SNRNP200: variants seen among roughly 807,000 people sequenced by gnomAD.
The protein encoded by SNRNP200 is small nuclear ribonucleoprotein U5 subunit 200, also known as U5 small nuclear ribonucleoprotein 200 kDa helicase.
Under a neutral mutation model 255.2 loss-of-function variants are expected in SNRNP200, and 66 were observed. The observed-to-expected ratio is 0.26, with a 90% CI of 0.21 to 0.32. SNRNP200 has a LOEUF of 0.32. Ranked by LOEUF, SNRNP200 falls within the 10% of genes least tolerant of loss-of-function variation. The pLI is 1.00. For missense variants in SNRNP200, 1,585 were observed against 2,749.8 expected (o/e 0.58, Z 9.47); for synonymous variants, 939 against 1,027.8 (o/e 0.91, Z 1.65).
At chr2:96,301,289 C>T (rs2063950829) in intron 4 of SNRNP200, among the ~76,000 whole-genome samples, 2 of 152,216 alleles carry the variant, frequency 1.3e-5, no homozygotes, top group African/African-American at 4.8e-5. Context: ...CTTGAGCCCC[C>T]AAGGCTCTGC....
chr2:96,289,423 C>T (rs2063869616), intron 21 of SNRNP200, 44 bp from the exon 22 acceptor site: 14 of 1,603,238 alleles, frequency 8.7e-6, no homozygotes, highest in Non-Finnish European at 1.2e-5. Context: ...TATTAATGAG[C>T]TCCAACCTCT....
At chr2:96,282,974 C>G (rs2063813704) in intron 34 of SNRNP200, 1 of 622,978 alleles carries the variant, frequency 1.6e-6, no homozygotes, top group East Asian at 2.9e-5. Context: ...ATAGCACAAC[C>G]TGATGTGTCT....
intron 3 of SNRNP200, among the ~76,000 whole-genome samples, chr2:96,301,925 A>G (rs531369108): frequency 6.6e-6 from 1 of 152,326 alleles, no homozygotes; most frequent in South Asian, 2.1e-4. Context: ...CTCAAGCAGC[A>G]GGACACAGCT....
rs1402485866 is a variant in SNRNP200 at position 96,298,535 on chromosome 2, CA to C, written c.982+67del. The C allele has an allele frequency of 2.5e-6, 4 of 1,607,260 alleles. No individual in the cohort carries two copies. In the Admixed American group the frequency reaches 6.7e-5, roughly 27 times the overall value. ...ACAAGCACTTAGGCTGTGAAAACAA[CA>C]GAATCTCTATGTCACACATGCACAC... On this transcript the variant is annotated intron_variant, in intron 8 of 44. Transcript: ENST00000323853.
intron 2 of SNRNP200, among the ~76,000 whole-genome samples, chr2:96,304,093 T>C (rs572698081): frequency 8.6e-5 from 13 of 152,006 alleles, no homozygotes; most frequent in Non-Finnish European, 1.5e-4. Context: ...AGATAATGTA[T>C]TAACTCATTT....
chr2:96,281,974 T>C (rs777536589), intron 34 of SNRNP200, 52 bp from the exon 35 acceptor site: 9 of 1,382,522 alleles, frequency 6.5e-6, no homozygotes, highest in Non-Finnish European at 8.2e-6. Flanking sequence ...CCGGGTGAAG[T>C]AGGCTCACTG....
rs150917167 is a variant in SNRNP200, at chr2:96,289,882, G to A, written c.2857C>T (p.Arg953Ter). The change falls in exon 21 of 45, where the codon CGA becomes TGA. Residue 953 changes from arginine to a stop codon, truncating the protein, a stop_gained. Coordinates refer to ENST00000323853, the MANE Select transcript of SNRNP200 (RefSeq NM_014014.5). LOFTEE classifies it high-confidence loss of function. ...LKGDPLLDQRRLDLVHTAALM... is the reference protein window; with the variant it reads ...LKGDPLLDQR ...GCAGCTGTATGAACCAGATCTAGTCGGCGCTGGTCCAGCAGGGGATCTCCC... is the reference window on the plus strand; with the variant it reads ...GCAGCTGTATGAACCAGATCTAGTCAGCGCTGGTCCAGCAGGGGATCTCCC... 1.2e-6 allele frequency: 2 copies of A among 1,613,970 alleles called. No individual in the cohort carries two copies. The highest frequency in any genetic ancestry group is 1.7e-5 in the Admixed American group (1 of 60,004).
chr2:96,299,048 A>G, intron 6 of SNRNP200, 81 bp from the exon 7 acceptor site: 3 of 1,576,692 alleles, frequency 1.9e-6, no homozygotes, highest in South Asian at 1.1e-5. Flanking sequence ...ACCAAGTTCT[A>G]CTTGACAATC....
chr2:96,289,749 G>T (rs753754874), intron 21 of SNRNP200, 50 bp downstream of exon 21: 16 of 1,587,044 alleles, frequency 1.0e-5, no homozygotes, highest in Non-Finnish European at 1.4e-5. Context: ...TTTTTCCTGG[G>T]CCAACAACTT....
In SNRNP200 at chr2:96,278,828, G is replaced by C. The variant is rs1432849938; in HGVS notation, c.5304C>G (p.Pro1768=). The change falls in exon 37 of 45, where the codon CCC becomes CCG. Residue 1768 remains proline, a synonymous_variant. Transcript: ENST00000323853. This position sits in a 1 kb window ranked among gnomAD's most constrained non-coding sequence, Gnocchi z 6.9. ...TFLYRRMTQN[P]NYYNLQGISH... The stretch of plus-strand genomic sequence containing the variant: ...ACTGACCCTGCAGGTTGTAGTAATT[G>C]GGGTTCTGTGTCATGCGGCGGTACA... The C allele has an allele frequency of 6.2e-7, 1 of 1,614,206 alleles. No individual in the cohort carries two copies. Among genetic ancestry groups the C allele is most frequent in the South Asian group, 1.1e-5 (1 of 91,078 alleles).
intron 3 of SNRNP200, among the ~76,000 whole-genome samples, chr2:96,302,834 G>T (rs537889308): frequency 9.2e-5 from 14 of 152,224 alleles, no homozygotes; most frequent in Non-Finnish European, 1.9e-4. Flanking sequence ...AGATGGAAGA[G>T]GTACACAGGG....
intron 35 of SNRNP200, among the ~76,000 whole-genome samples, chr2:96,280,476 C>CTT (rs1684740049): frequency 6.6e-6 from 1 of 151,728 alleles, no homozygotes; most frequent in Non-Finnish European, 1.5e-5. Flanking sequence ...CCAGCCTAAA[C>CTT]GACAGAACAA....
At position 96,283,782 on chromosome 2, in the gene SNRNP200, C is replaced by T. The variant is rs770684240; in HGVS notation, c.4584+31G>A. The T allele has an allele frequency of 6.2e-7, 1 of 1,613,822 alleles. No homozygotes were observed. The highest frequency in any genetic ancestry group is 2.2e-5 in the East Asian group (1 of 44,872). On this transcript the variant is annotated intron_variant, in intron 32 of 44. Transcript: ENST00000323853. This position sits in a 1 kb window ranked among gnomAD's most constrained non-coding sequence, Gnocchi z 4.7. Reference sequence around the variant, plus strand: ...GGGTCACTCAGGATCTATGTGACACCCCACAGACGGATGAGGAGAGTGGGT... The same window carrying T: ...GGGTCACTCAGGATCTATGTGACACTCCACAGACGGATGAGGAGAGTGGGT...
In SNRNP200 at chr2:96,290,430, G is replaced by C. The variant is rs1558768038; in HGVS notation, c.2638C>G (p.Leu880Val). Residue 880 changes from leucine (L) to valine (V), a missense_variant, in exon 20 of 45, where the codon CTG becomes GTG. Transcript: ENST00000323853. This position sits in a 1 kb window ranked among gnomAD's most constrained non-coding sequence, Gnocchi z 4.5. ...GGAAGTTGTTGATTGAGGAGGGACA[G>C]GTAGTACTGTAGCTCCCCATGAGAT... is the stretch of plus-strand genomic sequence containing the variant. ...ITSHGELQYY[L>V]SLLNQQLPIE... The C allele has an allele frequency of 6.2e-7, 1 of 1,614,190 alleles. No individual in the cohort carries two copies. Among genetic ancestry groups the C allele is most frequent in the Non-Finnish European group, 8.5e-7 (1 of 1,180,014 alleles).
chr2:96,279,729 G>C (rs1428464108), intron 35 of SNRNP200, 170 bp from the exon 36 acceptor site: 11 of 644,176 alleles, frequency 1.7e-5, no homozygotes, highest in South Asian at 1.4e-4. Flanking sequence ...AGCTTCACTG[G>C]CTGGCCTGTA....
At position 96,281,900 on chromosome 2, in the gene SNRNP200, A is replaced by T; in HGVS notation, c.4938T>A (p.Ala1646=). 1 of 1,614,074 alleles carries T rather than the reference A, an allele frequency of 6.2e-7. No homozygotes were observed. Among genetic ancestry groups the T allele is most frequent in the African/African-American group, 1.3e-5 (1 of 75,032 alleles). The change falls in exon 35 of 45, where the codon GCT becomes GCA. Residue 1646 remains alanine (A), a synonymous_variant. Transcript: ENST00000323853. ...FSSGAIQVVV[A]SRSLCWGMNV... is the part of the protein sequence containing the mutation. ...TCATGCCCCAGCAGAGACTCCGAGA[A>T]GCCACCACCACCTGGATAGCCCCTG...
At chr2:96,276,845 G>T in intron 43 of SNRNP200, 59 bp downstream of exon 43, 1 of 1,479,886 alleles carries the variant, frequency 6.8e-7, no homozygotes, top group Non-Finnish European at 9.5e-7. Flanking sequence ...CTTGTACCAA[G>T]CACCTAGCCA....
intron 5 of SNRNP200, among the ~76,000 whole-genome samples, 178 bp from the exon 6 acceptor site, chr2:96,299,605 G>A (rs151156156): frequency 3.3e-5 from 5 of 152,152 alleles, no homozygotes; most frequent in Admixed American, 2.6e-4. Flanking sequence ...TGACTGCTTA[G>A]CACGACTTAT....
In SNRNP200 at chr2:96,301,761, C is replaced by CA. The variant is rs777892525; in HGVS notation, c.382-46dup. The CA allele has an allele frequency of 6.2e-6, 10 of 1,605,870 alleles. No individual in the cohort carries two copies. The South Asian group carries it at 8.8e-5, about 14-fold the overall frequency. ...AACCAATATTGAGAACGACGACAGG[C>CA]AAAACATCTTCAACCAGGTGTATGT... is the stretch of plus-strand genomic sequence containing the variant. On this transcript the variant is annotated intron_variant, in intron 3 of 44. Coordinates refer to ENST00000323853, the MANE Select transcript of SNRNP200 (RefSeq NM_014014.5).
Sources: allele counts gnomAD v4.1 joint callset (sites outside exome capture counted in the v4.1 genomes callset), GRCh38; gene constraint gnomAD v4.1.1; non-coding constraint Gnocchi (gnomAD v3.1); transcripts MANE v1.5; gene names NCBI Gene and HGNC (gene_info 2026-07-23, HGNC 2026-07-21).